Variants in PLCL1 observed in about 807,000 individuals in gnomAD.
PLCL1 encodes the protein phospholipase C like 1 (inactive).
A neutral mutation model predicts 84.4 loss-of-function variants in PLCL1; 41 were observed. The ratio of observed to expected loss-of-function variants is 0.49; its 90% CI spans 0.38 to 0.63. PLCL1 has a LOEUF of 0.63. Ranked by LOEUF, PLCL1 falls within the 30% of genes least tolerant of loss-of-function variation. The pLI is 0.00. For missense variants in PLCL1, 1,206 were observed against 1,367.8 expected, an observed-to-expected ratio of 0.88 and a Z score of 1.87; for synonymous variants, 490 against 488.3, an observed-to-expected ratio of 1.00 and a Z score of -0.05.
Position 198,085,454 on chromosome 2 carries a change from C to T in PLCL1, c.1937C>T (p.Ala646Val). Residue 646 changes from alanine (A) to valine (V), a missense_variant, in exon 2 of 6, where the codon GCC becomes GTC. Physicochemically the swap from Ala to Val is moderately conservative, Grantham distance 64. Coordinates refer to ENST00000428675, the MANE Select transcript of PLCL1 (RefSeq NM_006226.4). The surrounding 1 kb of genome is among the most constrained non-coding windows in gnomAD (Gnocchi z 5.3). Reference sequence around the variant, plus strand: ...TTCTTATCAAGAATCTATCCAAGTGCCATGAGGATCGATTCCAGTAACTTG... The same window carrying T: ...TTCTTATCAAGAATCTATCCAAGTGTCATGAGGATCGATTCCAGTAACTTG... Reference protein sequence around the residue: ...KKFLSRIYPSAMRIDSSNLNP... With the variant: ...KKFLSRIYPSVMRIDSSNLNP... The T allele has an allele frequency of 6.2e-7, 1 of 1,613,626 alleles. No individual in the cohort carries two copies. Among genetic ancestry groups the T allele is most frequent in the Non-Finnish European group, 8.5e-7 (1 of 1,179,596 alleles).
rs1172034932 is a variant in PLCL1 at position 198,148,987 on chromosome 2, C to T, written c.*2025C>T. ...AATTCTCAAAAACGTAATATGGATT[C>T]TGCCTCATCTGATGCTATTTCTGGC... On this transcript the variant is annotated 3_prime_UTR_variant, in exon 6 of 6. Transcript: ENST00000428675. The T allele has an allele frequency of 6.6e-6, 1 of 152,352 alleles. No individual in the cohort carries two copies. The highest frequency in any genetic ancestry group is 1.9e-4 in the East Asian group (1 of 5,326). 9.4% of individuals were successfully genotyped at this position (152,352 alleles called of 1,614,324 possible). A position where few individuals can be genotyped will look rare whatever the true frequency, so the allele number is the denominator to read the frequency against.
At chr2:197,861,269 C>A (rs1209998513) in intron 1 of PLCL1, among the ~76,000 whole-genome samples, 1 of 152,098 alleles carries the variant, frequency 6.6e-6, no homozygotes, top group African/African-American at 2.4e-5. Flanking sequence ...ATCAATCATA[C>A]CTACATAATG....
chr2:197,916,638 G>C (rs1688605187), intron 1 of PLCL1, among the ~76,000 whole-genome samples: 1 of 151,842 alleles, frequency 6.6e-6, no homozygotes, highest in Admixed American at 6.6e-5. Context: ...ACAGAGTCAT[G>C]GTTAAGAGAG....
chr2:198,071,302 C>A (rs916730238), intron 1 of PLCL1, among the ~76,000 whole-genome samples: 3 of 151,876 alleles, frequency 2.0e-5, no homozygotes, highest in Non-Finnish European at 4.4e-5. Context: ...CAGTGAACCA[C>A]CTCTTACTTA....
At chr2:198,103,601 C>A (rs1309611627) in intron 4 of PLCL1, among the ~76,000 whole-genome samples, 1 of 151,860 alleles carries the variant, frequency 6.6e-6, no homozygotes, top group Non-Finnish European at 1.5e-5. Flanking sequence ...TGGCTCCTGG[C>A]TGTTTTAAAT....
chr2:197,833,095 C>T (rs1479547134), intron 1 of PLCL1, among the ~76,000 whole-genome samples: 1 of 152,146 alleles, frequency 6.6e-6, no homozygotes, highest in Non-Finnish European at 1.5e-5. Context: ...CCCAGCTACT[C>T]AGGAGGCTGA....
chr2:197,934,978 AACAG>A, intron 1 of PLCL1, among the ~76,000 whole-genome samples: 1 of 152,336 alleles, frequency 6.6e-6, no homozygotes, highest in South Asian at 2.1e-4. Flanking sequence ...AAAGGACATG[AACAG>A]ACACTTTTTC....
intron 5 of PLCL1, among the ~76,000 whole-genome samples, chr2:198,110,437 C>T (rs1693590656): frequency 1.3e-5 from 2 of 151,888 alleles, no homozygotes; most frequent in Non-Finnish European, 2.9e-5. Flanking sequence ...CAGGACCTTA[C>T]AGTTCTGGGG....
intron 2 of PLCL1, among the ~76,000 whole-genome samples, chr2:198,087,197 T>C (rs1692907758): frequency 2.6e-5 from 4 of 152,198 alleles, no homozygotes; most frequent in African/African-American, 9.6e-5. Flanking sequence ...TGATCATCAA[T>C]ATTCTCCATA....
At chr2:197,824,757 T>C (rs1336661988) in intron 1 of PLCL1, among the ~76,000 whole-genome samples, 1 of 150,000 alleles carries the variant, frequency 6.7e-6, no homozygotes, top group Non-Finnish European at 1.5e-5. Flanking sequence ...CCTACTCAGA[T>C]ATTCAGCTTG....
At chr2:197,908,524 C>T (rs1234698128) in intron 1 of PLCL1, among the ~76,000 whole-genome samples, 1 of 152,234 alleles carries the variant, frequency 6.6e-6, no homozygotes, top group Non-Finnish European at 1.5e-5. Flanking sequence ...AGTCTTCAAG[C>T]CTCAGAAGAA....
At chr2:198,055,214 G>A (rs1350015034) in intron 1 of PLCL1, among the ~76,000 whole-genome samples, 3 of 151,304 alleles carry the variant, frequency 2.0e-5, no homozygotes, top group African/African-American at 7.3e-5. Flanking sequence ...TAGGAACTTG[G>A]GGCTGAAAAA....
chr2:197,824,298 G>T, intron 1 of PLCL1, among the ~76,000 whole-genome samples: 1 of 151,702 alleles, frequency 6.6e-6, no homozygotes, highest in South Asian at 2.1e-4. Flanking sequence ...ACAATTCAAT[G>T]ACATCTTTGA....
At chr2:197,896,111 G>T (rs1490767718) in intron 1 of PLCL1, among the ~76,000 whole-genome samples, 1 of 151,958 alleles carries the variant, frequency 6.6e-6, no homozygotes, top group African/African-American at 2.4e-5. Flanking sequence ...TGACCTAGTA[G>T]TCTCAGGCTT....
intron 3 of PLCL1, among the ~76,000 whole-genome samples, chr2:198,095,761 G>A (rs1251199695): frequency 6.6e-6 from 1 of 152,140 alleles, no homozygotes; most frequent in Non-Finnish European, 1.5e-5. Flanking sequence ...GTTTGAATTG[G>A]TTTGACTTTT....
At chr2:198,074,112 G>C (rs1037190636) in intron 1 of PLCL1, among the ~76,000 whole-genome samples, 1 of 152,036 alleles carries the variant, frequency 6.6e-6, no homozygotes, top group African/African-American at 2.4e-5. Flanking sequence ...TATATTTTAT[G>C]TCATTGAGTT....
At chr2:197,923,506 T>C (rs1311879631) in intron 1 of PLCL1, among the ~76,000 whole-genome samples, 2 of 143,274 alleles carry the variant, frequency 1.4e-5, no homozygotes, top group Admixed American at 6.8e-5. Context: ...GAGGCGCTCC[T>C]CACATCCCAG....
Position 198,084,478 on chromosome 2 carries a change from G to T in PLCL1, c.961G>T (p.Val321Leu), listed in dbSNP as rs565066776. Reference sequence around the variant, plus strand: ...CAGGCCAGAAGTGTATTTCTTACTTGTACAGATATCTAAAAACAAAGAATA... The same window carrying T: ...CAGGCCAGAAGTGTATTTCTTACTTTTACAGATATCTAAAAACAAAGAATA... ...CTRPEVYFLL[V>L]QISKNKEYLD... is the part of the protein sequence containing the mutation. Residue 321 changes from valine (V) to leucine (L), a missense_variant, in exon 2 of 6, where the codon GTA (valine) becomes TTA (leucine). Val to Leu is a conservative substitution (Grantham distance 32, BLOSUM62 1). Coordinates refer to ENST00000428675, the MANE Select transcript of PLCL1 (RefSeq NM_006226.4). 2 of 1,614,014 alleles carry T rather than the reference G, an allele frequency of 1.2e-6. No individual in the cohort carries two copies. Among genetic ancestry groups the T allele is most frequent in the South Asian group, 1.1e-5 (1 of 91,084 alleles).
intron 1 of PLCL1, among the ~76,000 whole-genome samples, chr2:197,867,171 G>A (rs1273615389): frequency 6.6e-6 from 1 of 152,166 alleles, no homozygotes; most frequent in East Asian, 1.9e-4. Context: ...GAGGTTCAGG[G>A]AAGGGCATTT....
Sources: allele counts gnomAD v4.1 joint callset (sites outside exome capture counted in the v4.1 genomes callset), GRCh38; gene constraint gnomAD v4.1.1; non-coding constraint Gnocchi (gnomAD v3.1); transcripts MANE v1.5; gene names NCBI Gene and HGNC (gene_info 2026-07-23, HGNC 2026-07-21).